The following TNNI3K variants were observed in gnomAD, a reference collection of about 807,000 sequenced individuals.
TNNI3K encodes TNNI3 interacting kinase, also known as serine/threonine-protein kinase TNNI3K.
Under a neutral mutation model 114.5 loss-of-function variants are expected in TNNI3K, and 140 were observed. That is an observed-to-expected ratio of 1.22 (90% CI 1.07 to 1.41). The LOEUF is 1.41. Ranked by LOEUF, TNNI3K falls within the 40% of genes most tolerant of loss-of-function variation. TNNI3K has a pLI of 0.00. For synonymous variants in TNNI3K, 347 were observed against 347.5 expected, an observed-to-expected ratio of 1.00 and a Z score of 0.02; for missense variants, 1,125 against 1,007.6, an observed-to-expected ratio of 1.12 and a Z score of -1.58.
chr1:74,475,770 G>A (rs1267724641), intron 21 of TNNI3K: 3 of 634,046 alleles, frequency 4.7e-6, no homozygotes, highest in Non-Finnish European at 8.7e-6. Context: ...GGAGTTTCCA[G>A]TTAAATACAA....
intron 4 of TNNI3K, among the ~76,000 whole-genome samples, chr1:74,252,950 C>T (rs1655034322): frequency 1.3e-5 from 2 of 152,296 alleles, no homozygotes; most frequent in Middle Eastern, 3.4e-3. Flanking sequence ...CTGGCCCCCA[C>T]CCACATCCTG....
At chr1:74,323,547 A>C (rs771210443) in intron 5 of TNNI3K, among the ~76,000 whole-genome samples, 1 of 152,196 alleles carries the variant, frequency 6.6e-6, no homozygotes, top group South Asian at 2.1e-4. Flanking sequence ...GCCGAGGGCA[A>C]AGGTGGCTGG....
At chr1:74,384,242 TA>T (rs1286406787) in intron 17 of TNNI3K, among the ~76,000 whole-genome samples, 1 of 152,180 alleles carries the variant, frequency 6.6e-6, no homozygotes, top group Non-Finnish European at 1.5e-5. Flanking sequence ...ATTAACACGC[TA>T]TTCCACAAGT....
rs1041659286 is a variant in TNNI3K, at chr1:74,353,394, A to G, written c.1027+34A>G. Reference sequence around the variant, plus strand: ...GTGGTGAAAACACCACTAGTTCTATATGCTTATCAATGATTAAGAATAATG... The same window carrying G: ...GTGGTGAAAACACCACTAGTTCTATGTGCTTATCAATGATTAAGAATAATG... On this transcript the variant is annotated intron_variant, in intron 10 of 24. Transcript: ENST00000326637. The G allele has an allele frequency of 4.4e-6, 7 of 1,606,036 alleles. No homozygotes were observed. The African/African-American group carries it at 5.4e-5, about 12-fold the overall frequency.
intron 17 of TNNI3K, among the ~76,000 whole-genome samples, chr1:74,427,504 C>T (rs1230206139): frequency 1.3e-5 from 2 of 152,004 alleles, no homozygotes; most frequent in African/African-American, 4.8e-5. Flanking sequence ...TGTTGGAAGT[C>T]AAAAACCTCT....
chr1:74,353,948 C>T (rs1309295885), intron 10 of TNNI3K, 32 bp from the exon 11 acceptor site: 1 of 1,579,400 alleles, frequency 6.3e-7, no homozygotes. Flanking sequence ...TCTTTTTTCT[C>T]CTTTTGTTCT....
At chr1:74,292,707 T>C (rs1198579853) in intron 5 of TNNI3K, among the ~76,000 whole-genome samples, 2 of 151,646 alleles carry the variant, frequency 1.3e-5, no homozygotes, top group Non-Finnish European at 3.0e-5. Context: ...GGTACAAATT[T>C]GATCAAGGTC....
chr1:74,441,741 T>C (rs1376379883), intron 20 of TNNI3K, among the ~76,000 whole-genome samples: 3 of 152,164 alleles, frequency 2.0e-5, no homozygotes, highest in Non-Finnish European at 4.4e-5. Flanking sequence ...CACTGATGAC[T>C]AGAAATATTG....
chr1:74,401,651 T>C (rs1664370059), intron 17 of TNNI3K, among the ~76,000 whole-genome samples: 1 of 152,198 alleles, frequency 6.6e-6, no homozygotes. Flanking sequence ...ATTGCTCAAA[T>C]ATAATTCTCC....
At chr1:74,250,434 A>G (rs558793309) in intron 3 of TNNI3K, among the ~76,000 whole-genome samples, 1 of 152,190 alleles carries the variant, frequency 6.6e-6, no homozygotes, top group Non-Finnish European at 1.5e-5. Context: ...TGAGGGTACT[A>G]AATAAAAAAT....
At chr1:74,448,444 T>C (rs2100691211) in intron 20 of TNNI3K, among the ~76,000 whole-genome samples, 1 of 146,372 alleles carries the variant, frequency 6.8e-6, no homozygotes, top group South Asian at 2.1e-4. Flanking sequence ...CCTAATTGAA[T>C]ACCCTTTATT....
chr1:74,250,165 T>G (rs1433159396), intron 3 of TNNI3K, among the ~76,000 whole-genome samples: 1 of 152,192 alleles, frequency 6.6e-6, no homozygotes, highest in Non-Finnish European at 1.5e-5. Context: ...AATGTGTAAG[T>G]GTCAACTCTA....
chr1:74,347,362 G>T (rs1661069056), intron 9 of TNNI3K, among the ~76,000 whole-genome samples: 1 of 151,852 alleles, frequency 6.6e-6, no homozygotes, highest in African/African-American at 2.4e-5. Context: ...AGTATTCCAT[G>T]GTGTATATGT....
intron 5 of TNNI3K, among the ~76,000 whole-genome samples, chr1:74,285,541 C>G (rs1286061303): frequency 6.6e-6 from 1 of 151,996 alleles, no homozygotes; most frequent in African/African-American, 2.4e-5. Flanking sequence ...TTTTTTGTAC[C>G]TTTCTAATAA....
In TNNI3K at chr1:74,236,130, A is replaced by G. The variant is rs201652917; in HGVS notation, c.69A>G (p.Ser23=). The part of the protein sequence containing the change: ...TDEWKKKVSE[S]YVITIERLED... ...AATGGAAGAAAAAAGTCAGTGAATC[A>G]TATGTTATCACAATAGAAAGATTAG... Residue 23 remains serine (S), a synonymous_variant, in exon 2 of 25, where the codon TCA becomes TCG. Coordinates refer to ENST00000326637, the MANE Select transcript of TNNI3K (RefSeq NM_015978.3). 2 of 1,607,960 alleles carry G rather than the reference A, an allele frequency of 1.2e-6. No homozygotes were observed. Among genetic ancestry groups the G allele is most frequent in the Non-Finnish European group, 1.7e-6 (2 of 1,175,928 alleles).
At chr1:74,521,625 A>T (rs1481610539) in intron 23 of TNNI3K, among the ~76,000 whole-genome samples, 1 of 152,182 alleles carries the variant, frequency 6.6e-6, no homozygotes, top group African/African-American at 2.4e-5. Context: ...ATTGGTAAAG[A>T]CGCACTATAT....
At chr1:74,321,607 T>C (rs1486263597) in intron 5 of TNNI3K, among the ~76,000 whole-genome samples, 2 of 152,004 alleles carry the variant, frequency 1.3e-5, no homozygotes, top group Admixed American at 6.6e-5. Context: ...CTGATGAAAT[T>C]ATTTTATATA....
intron 23 of TNNI3K, among the ~76,000 whole-genome samples, chr1:74,539,762 T>C (rs182939408): frequency 4.9e-4 from 74 of 152,084 alleles, no homozygotes; most frequent in African/African-American, 1.7e-3. Context: ...TGTAAAGCGA[T>C]ATATATAAAA....
intron 21 of TNNI3K, among the ~76,000 whole-genome samples, chr1:74,476,617 G>A (rs1668219918): frequency 1.3e-5 from 2 of 152,192 alleles, no homozygotes; most frequent in East Asian, 3.9e-4. Context: ...TATGAATTCT[G>A]ATAATGAAAT....
Sources: gnomAD v4.1 joint callset for allele counts (sites outside exome capture counted in the v4.1 genomes callset) on GRCh38, gnomAD v4.1.1 for gene constraint, MANE v1.5 for transcripts, NCBI Gene and HGNC (gene_info 2026-07-23, HGNC 2026-07-21) for gene names.